The following CCDC169 variants were observed in gnomAD, a reference collection of about 807,000 sequenced individuals.
CCDC169 encodes the protein coiled-coil domain-containing protein 169.
Under a neutral mutation model 36.0 loss-of-function variants are expected in CCDC169, and 30 were observed. The observed-to-expected ratio is 0.83, with a 90% confidence interval of 0.62 to 1.13. The LOEUF (loss-of-function observed/expected upper bound fraction) is 1.13, where lower values mean the gene tolerates loss of function less well. Ranked by LOEUF, CCDC169 falls within the 50% of genes most tolerant of loss-of-function variation. The pLI is 0.00. For missense variants in CCDC169, 245 were observed against 245.9 expected (o/e 1.00, Z 0.03); for synonymous variants, 85 against 81.5 (o/e 1.04, Z -0.23).
intron 4 of CCDC169, among the ~76,000 whole-genome samples, chr13:36,262,227 A>G (rs542716563): frequency 6.6e-6 from 1 of 152,244 alleles, no homozygotes; most frequent in East Asian, 1.9e-4. Context: ...GCCCTTGGGG[A>G]GGTATGTGAT....
At chr13:36,285,787 C>T (rs1021055280) in intron 2 of CCDC169, among the ~76,000 whole-genome samples, 6 of 152,108 alleles carry the variant, frequency 3.9e-5, no homozygotes, top group Admixed American at 6.5e-5. Context: ...TGGGACAACA[C>T]AAAAGACCCA....
At chr13:36,260,050 A>C (rs1874428201) in intron 4 of CCDC169, among the ~76,000 whole-genome samples, 1 of 152,206 alleles carries the variant, frequency 6.6e-6, no homozygotes, top group African/African-American at 2.4e-5. Context: ...CCTGGGCCTA[A>C]ATGCTTTTCA....
chr13:36,288,139 G>A, intron 2 of CCDC169, among the ~76,000 whole-genome samples: 1 of 151,978 alleles, frequency 6.6e-6, no homozygotes. Flanking sequence ...CTCCCGAGTA[G>A]CTGGGACTAC....
At chr13:36,244,891 C>G (rs1393174572) in intron 7 of CCDC169, among the ~76,000 whole-genome samples, 1 of 145,970 alleles carries the variant, frequency 6.9e-6, no homozygotes, top group Non-Finnish European at 1.5e-5. Context: ...CAGGGAAGTC[C>G]TTTGTCAGAA....
intron 7 of CCDC169, among the ~76,000 whole-genome samples, chr13:36,241,109 C>G (rs541082951): frequency 1.3e-5 from 2 of 152,118 alleles, no homozygotes; most frequent in African/African-American, 4.8e-5. Context: ...TCCCTTTCTG[C>G]TAGATTTTTA....
At chr13:36,286,793 G>A (rs1381273242) in intron 2 of CCDC169, among the ~76,000 whole-genome samples, 3 of 152,116 alleles carry the variant, frequency 2.0e-5, no homozygotes, top group African/African-American at 7.2e-5. Context: ...CAGTTCTAGG[G>A]TGCTGAGGCT....
At chr13:36,228,619 G>A (rs1233329623), downstream of CCDC169, among the ~76,000 whole-genome samples, 1 of 152,074 alleles carries the variant, frequency 6.6e-6, no homozygotes, top group Non-Finnish European at 1.5e-5. Flanking sequence ...GAGTGCAGTG[G>A]CTCATTGCAG....
intron 4 of CCDC169, among the ~76,000 whole-genome samples, chr13:36,259,926 T>A (rs2138510358): frequency 6.6e-6 from 1 of 152,318 alleles, no homozygotes; most frequent in East Asian, 1.9e-4. Flanking sequence ...GAGGGGTGGC[T>A]GACAGGCCTG....
At chr13:36,240,622 C>G in intron 7 of CCDC169, 1 of 1,284,376 alleles carries the variant, frequency 7.8e-7, no homozygotes, top group Non-Finnish European at 1.0e-6. Flanking sequence ...GTACCAATGG[C>G]TCCTTAGTTA....
downstream of CCDC169, chr13:36,222,995 A>G (rs564962447): frequency 3.3e-5 from 5 of 152,344 alleles, no homozygotes; most frequent in East Asian, 9.7e-4. Flanking sequence ...AAAATAATAC[A>G]AAAATGGCCC....
chr13:36,260,771 T>A (rs1439706772), intron 4 of CCDC169, among the ~76,000 whole-genome samples: 1 of 152,148 alleles, frequency 6.6e-6, no homozygotes, highest in Non-Finnish European at 1.5e-5. Context: ...ATCATATTGT[T>A]TTTCATTTTT....
intron 4 of CCDC169, chr13:36,282,900 C>G (rs1877715915): frequency 2.0e-5 from 3 of 153,630 alleles, no homozygotes; most frequent in Admixed American, 1.3e-4. Context: ...TGAGCTAGGA[C>G]TGAGCCTCAG....
chr13:36,296,475 CT>C (rs1251573468), intron 1 of CCDC169, among the ~76,000 whole-genome samples: 5 of 152,124 alleles, frequency 3.3e-5, no homozygotes, highest in Non-Finnish European at 7.3e-5. Flanking sequence ...AAATTAGGCA[CT>C]GCACATTATT....
intron 4 of CCDC169, among the ~76,000 whole-genome samples, chr13:36,256,111 A>G (rs1018258459): frequency 3.9e-5 from 6 of 152,080 alleles, no homozygotes; most frequent in Admixed American, 3.9e-4. Context: ...CAGGTTGCTG[A>G]TGGTCAGTGC....
intron 7 of CCDC169, among the ~76,000 whole-genome samples, chr13:36,241,475 C>T (rs1234404997): frequency 6.6e-6 from 1 of 152,140 alleles, no homozygotes; most frequent in Non-Finnish European, 1.5e-5. Flanking sequence ...TGTCTTTGAA[C>T]TTTAAATGAA....
chr13:36,273,431 C>T (rs1253638232), intron 4 of CCDC169, among the ~76,000 whole-genome samples: 4 of 152,090 alleles, frequency 2.6e-5, no homozygotes, highest in Non-Finnish European at 5.9e-5. Flanking sequence ...AGAGTGAACA[C>T]ACCAAATGAT....
In CCDC169 at chr13:36,254,045, C is replaced by T. The variant is rs1566069188; in HGVS notation, c.414G>A (p.Lys138=). 13 of 1,543,240 alleles carry T rather than the reference C, an allele frequency of 8.4e-6. No individual in the cohort carries two copies. The highest frequency in any genetic ancestry group is 1.1e-5 in the Non-Finnish European group (13 of 1,144,752). The change falls in exon 5 of 8, where the codon AAG becomes AAA. Residue 138 remains lysine (K), a splice_region_variant and synonymous_variant. Coordinates refer to ENST00000239859, the MANE Select transcript of CCDC169 (RefSeq NM_001144981.3). ...TGCTAAGTATAGAGTAAAAACAAAC[C>T]TTTGATTCTTGTTCCAGTTTAAGTG... ...YYALKLEQES[K]AYQKINNERR... is the part of the protein sequence containing the mutation.
chr13:36,232,978 T>C (rs552898455), intron 7 of CCDC169, among the ~76,000 whole-genome samples: 12 of 152,152 alleles, frequency 7.9e-5, no homozygotes, highest in African/African-American at 1.4e-4. Context: ...TGGGTATGCA[T>C]AGGACTGTGT....
At chr13:36,259,424 C>A (rs1209559002) in intron 4 of CCDC169, among the ~76,000 whole-genome samples, 2 of 152,162 alleles carry the variant, frequency 1.3e-5, no homozygotes, top group African/African-American at 4.8e-5. Flanking sequence ...AAGCAATGGA[C>A]GACAGCGACA....
Sources: allele counts gnomAD v4.1 joint callset (sites outside exome capture counted in the v4.1 genomes callset), GRCh38; gene constraint gnomAD v4.1.1; transcripts MANE v1.5; gene names NCBI Gene and HGNC (gene_info 2026-07-23, HGNC 2026-07-21).